Variants in GPC6 observed in about 807,000 individuals in gnomAD.
GPC6 encodes the protein glypican 6.
GPC6 carries 14 observed loss-of-function variants against 55.2 expected under a neutral mutation model. The ratio of observed to expected loss-of-function variants is 0.25; its 90% CI spans 0.17 to 0.40. The LOEUF is 0.40. GPC6 is among the 10% of genes least tolerant of loss of function. GPC6 has a pLI of 1.00. For missense variants in GPC6, 641 were observed against 708.5 expected, an observed-to-expected ratio of 0.90 and a Z score of 1.08; for synonymous variants, 278 against 259.6, an observed-to-expected ratio of 1.07 and a Z score of -0.68.
At chr13:93,802,194 G>C (rs1414660698) in intron 2 of GPC6, among the ~76,000 whole-genome samples, 2 of 151,966 alleles carry the variant, frequency 1.3e-5, no homozygotes, top group East Asian at 1.9e-4. Flanking sequence ...TTTATGCCTT[G>C]TCTTTTATCT....
At chr13:93,905,762 C>T (rs2077746982) in intron 3 of GPC6, among the ~76,000 whole-genome samples, 1 of 152,098 alleles carries the variant, frequency 6.6e-6, no homozygotes, top group South Asian at 2.1e-4. Flanking sequence ...ATGAATGAAT[C>T]CTGCTAGGAG....
intron 4 of GPC6, among the ~76,000 whole-genome samples, chr13:94,038,372 A>G (rs1004976093): frequency 6.6e-6 from 1 of 151,880 alleles, no homozygotes; most frequent in African/African-American, 2.4e-5. Flanking sequence ...TAGACTAGGC[A>G]CATACATGGT....
At chr13:93,862,713 C>T (rs2139028126) in intron 3 of GPC6, among the ~76,000 whole-genome samples, 1 of 151,738 alleles carries the variant, frequency 6.6e-6, no homozygotes, top group South Asian at 2.1e-4. Flanking sequence ...GGAGCAAATC[C>T]CATCAGGAAA....
At chr13:93,945,168 C>T (rs1265888959) in intron 3 of GPC6, among the ~76,000 whole-genome samples, 4 of 152,070 alleles carry the variant, frequency 2.6e-5, no homozygotes, top group East Asian at 1.9e-4. Flanking sequence ...TATGTCTAAA[C>T]GTAGGTTTAT....
At chr13:93,387,480 C>T (rs1209522413) in intron 1 of GPC6, among the ~76,000 whole-genome samples, 5 of 152,222 alleles carry the variant, frequency 3.3e-5, no homozygotes, top group African/African-American at 1.2e-4. Context: ...CCAACTTCAT[C>T]CATGTCCCTG....
intron 6 of GPC6, among the ~76,000 whole-genome samples, chr13:94,348,223 A>G (rs887029035): frequency 1.3e-5 from 2 of 152,224 alleles, no homozygotes; most frequent in African/African-American, 4.8e-5. Flanking sequence ...TATGGAACAT[A>G]TACTCTTATG....
intron 2 of GPC6, among the ~76,000 whole-genome samples, chr13:93,824,021 T>C (rs1267616442): frequency 6.6e-6 from 1 of 152,156 alleles, no homozygotes; most frequent in Non-Finnish European, 1.5e-5. Context: ...TATTTCTCCC[T>C]TTTAAAATAA....
At chr13:94,128,437 T>C (rs1349385371) in intron 4 of GPC6, among the ~76,000 whole-genome samples, 2 of 152,168 alleles carry the variant, frequency 1.3e-5, no homozygotes, top group African/African-American at 2.4e-5. Flanking sequence ...CTTGAAACAA[T>C]GCAGTTTCTT....
chr13:94,201,701 A>T (rs1259373285), intron 4 of GPC6, among the ~76,000 whole-genome samples: 2 of 152,216 alleles, frequency 1.3e-5, no homozygotes, highest in Non-Finnish European at 2.9e-5. Flanking sequence ...CTGTAATCCC[A>T]GCACTTTTGG....
intron 1 of GPC6, among the ~76,000 whole-genome samples, chr13:93,403,549 C>A (rs900896680): frequency 2.0e-5 from 3 of 152,156 alleles, no homozygotes; most frequent in Admixed American, 1.3e-4. Flanking sequence ...ATAGTCAATG[C>A]TCTTTTGTAG....
chr13:94,111,954 A>C (rs1386996688), intron 4 of GPC6, among the ~76,000 whole-genome samples: 3 of 152,146 alleles, frequency 2.0e-5, no homozygotes, highest in Non-Finnish European at 2.9e-5. Context: ...CTCACATAAG[A>C]GATGCTGAAT....
chr13:93,862,854 A>AT (rs148716133), intron 3 of GPC6, among the ~76,000 whole-genome samples: 4 of 150,994 alleles, frequency 2.6e-5, no homozygotes, highest in Non-Finnish European at 5.9e-5. Flanking sequence ...TTGTTTTATC[A>AT]TTTTTTTTCT....
chr13:93,228,869 A>G (rs898427114), intron 1 of GPC6, among the ~76,000 whole-genome samples: 2 of 152,182 alleles, frequency 1.3e-5, no homozygotes, highest in Non-Finnish European at 2.9e-5. Flanking sequence ...TTGAGGAATT[A>G]CTATTTTCTT....
At chr13:93,939,716 C>T (rs1238226117) in intron 3 of GPC6, among the ~76,000 whole-genome samples, 1 of 152,004 alleles carries the variant, frequency 6.6e-6, no homozygotes, top group Admixed American at 6.6e-5. Context: ...TCCCAAAGTG[C>T]TAGGATTACA....
chr13:93,238,125 A>G (rs1271862976), intron 1 of GPC6, among the ~76,000 whole-genome samples: 2 of 152,042 alleles, frequency 1.3e-5, no homozygotes, highest in Non-Finnish European at 2.9e-5. Flanking sequence ...TATTGATAGA[A>G]ATTGCATTGA....
intron 3 of GPC6, among the ~76,000 whole-genome samples, chr13:93,985,559 A>G (rs1327829562): frequency 1.3e-5 from 2 of 151,822 alleles, no homozygotes; most frequent in East Asian, 1.9e-4. Flanking sequence ...GTGTGTGATG[A>G]CACATACCTA....
chr13:94,092,637 A>C (rs1885530733), intron 4 of GPC6, among the ~76,000 whole-genome samples: 1 of 152,062 alleles, frequency 6.6e-6, no homozygotes, highest in Admixed American at 6.6e-5. Context: ...TTTCCTTTAG[A>C]TATAGACCTA....
chr13:93,728,892 ATGT>A (rs1318045478), intron 2 of GPC6, among the ~76,000 whole-genome samples: 1 of 152,088 alleles, frequency 6.6e-6, no homozygotes, highest in Non-Finnish European at 1.5e-5. Flanking sequence ...AATTTATTGT[ATGT>A]TGAGGCATGG....
chr13:93,808,571 T>C (rs1469946293), intron 2 of GPC6, among the ~76,000 whole-genome samples: 1 of 152,218 alleles, frequency 6.6e-6, no homozygotes, highest in Non-Finnish European at 1.5e-5. Flanking sequence ...AAAGTTTTAG[T>C]TCCTGTCAAA....
Sources: gnomAD v4.1 joint callset for allele counts (sites outside exome capture counted in the v4.1 genomes callset) on GRCh38, gnomAD v4.1.1 for gene constraint, MANE v1.5 for transcripts, NCBI Gene and HGNC (gene_info 2026-07-23, HGNC 2026-07-21) for gene names.